Variants in ADGRL3 observed in about 807,000 individuals in gnomAD.
ADGRL3 encodes the protein adhesion G protein-coupled receptor L3, also known as calcium-independent alpha-latrotoxin receptor 3.
In ADGRL3, 62 loss-of-function variants were observed where a neutral mutation model predicts 153.5. The observed-to-expected ratio is 0.40, with a 90% CI of 0.33 to 0.50. The LOEUF is 0.50. ADGRL3 is among the 20% of genes least tolerant of loss of function. The pLI is 0.47. For missense variants in ADGRL3, 1,641 were observed against 1,859.4 expected (o/e 0.88, Z 2.16); for synonymous variants, 710 against 672.5 (o/e 1.06, Z -0.86).
intron 17 of ADGRL3, among the ~76,000 whole-genome samples, chr4:61,957,924 A>G (rs1204941050): frequency 1.3e-5 from 2 of 152,028 alleles, no homozygotes; most frequent in Non-Finnish European, 2.9e-5. Flanking sequence ...CTTGCTTTCT[A>G]TAAAAAAAGT....
chr4:61,733,063 C>T lies in ADGRL3; in HGVS notation c.908C>T (p.Thr303Ile), dbSNP rs771751783. Reference protein sequence around the residue: ...TRNIVKFDLRTRIKSGEAIIA... With the variant: ...TRNIVKFDLRIRIKSGEAIIA... ...AACATAGTAAAGTTTGATTTGCGGA[C>T]TAGGATAAAGAGTGGAGAGGCTATC... is the stretch of plus-strand genomic sequence containing the variant. The change falls in exon 8 of 27, where the codon ACT (threonine) becomes ATT (isoleucine). Residue 303 changes from threonine (T) to isoleucine (I), a missense_variant. Physicochemically the swap from Thr to Ile is moderately conservative, Grantham distance 89. Around this residue, in one of 5 missense-constraint regions of ADGRL3, gnomAD observed 213 missense variants for 362.1 expected, o/e 0.59. Coordinates refer to ENST00000683033, the MANE Select transcript of ADGRL3 (RefSeq NM_001387552.1). 4.3e-6 allele frequency: 7 copies of T among 1,613,476 alleles called. No homozygotes were observed. The highest frequency in any genetic ancestry group is 5.1e-6 in the Non-Finnish European group (6 of 1,179,810).
chr4:61,509,933 T>A (rs1427219444), intron 3 of ADGRL3, among the ~76,000 whole-genome samples: 1 of 152,130 alleles, frequency 6.6e-6, no homozygotes, highest in African/African-American at 2.4e-5. Context: ...ACACCTGTTA[T>A]TTTTTGTCTT....
At chr4:61,271,321 G>A (rs1003618324) in intron 1 of ADGRL3, among the ~76,000 whole-genome samples, 4 of 151,910 alleles carry the variant, frequency 2.6e-5, no homozygotes, top group Non-Finnish European at 5.9e-5. Flanking sequence ...ATGAGGTTAT[G>A]CATTATAGCA....
chr4:61,421,806 A>G (rs1374630380), intron 2 of ADGRL3, among the ~76,000 whole-genome samples: 1 of 152,178 alleles, frequency 6.6e-6, no homozygotes, highest in Non-Finnish European at 1.5e-5. Context: ...CCCATGAGTC[A>G]AAACACCTTG....
intron 2 of ADGRL3, among the ~76,000 whole-genome samples, 168 bp from the exon 3 acceptor site, chr4:61,496,953 A>G (rs2098326598): frequency 6.6e-6 from 1 of 152,126 alleles, no homozygotes; most frequent in African/African-American, 2.4e-5. Context: ...AAAAAAAAAA[A>G]AAATCAGTAT....
chr4:61,669,289 CT>C (rs2094912791), intron 5 of ADGRL3, among the ~76,000 whole-genome samples: 1 of 151,930 alleles, frequency 6.6e-6, no homozygotes, highest in Non-Finnish European at 1.5e-5. Flanking sequence ...GTTGTCTCAT[CT>C]TTTTTGGTCT....
At chr4:61,294,548 T>A (rs182345210) in intron 1 of ADGRL3, among the ~76,000 whole-genome samples, 1 of 152,144 alleles carries the variant, frequency 6.6e-6, no homozygotes, top group African/African-American at 2.4e-5. Flanking sequence ...TTTTAACATA[T>A]CTGAAATTGG....
intron 11 of ADGRL3, among the ~76,000 whole-genome samples, chr4:61,907,623 CAT>C (rs201165690): frequency 6.7e-6 from 1 of 149,948 alleles, no homozygotes; most frequent in African/African-American, 2.5e-5. Context: ...TATACATACA[CAT>C]ATATATATAC....
chr4:61,571,010 G>A (rs2098836373), intron 4 of ADGRL3, among the ~76,000 whole-genome samples: 1 of 152,032 alleles, frequency 6.6e-6, no homozygotes, highest in Non-Finnish European at 1.5e-5. Flanking sequence ...TGCTCAAATG[G>A]CCCTTTATCT....
intron 9 of ADGRL3, among the ~76,000 whole-genome samples, chr4:61,869,527 A>G (rs922518157): frequency 2.0e-5 from 3 of 151,744 alleles, no homozygotes; most frequent in Non-Finnish European, 2.9e-5. Context: ...GAACCCGGGA[A>G]GCGGAGCTTG....
At chr4:62,037,659 C>A (rs1454890866) in intron 23 of ADGRL3, 72 bp from the exon 24 acceptor site, 4 of 1,504,642 alleles carry the variant, frequency 2.7e-6, no homozygotes, top group African/African-American at 1.4e-5. Context: ...ATAAAACTCA[C>A]ATACATTGTC....
rs72634770 is a variant in ADGRL3, at chr4:61,373,662, G to C, written c.-239-9462G>C. Among the ~76,000 whole-genome samples, 122 of 152,094 alleles carry C rather than the reference G, an allele frequency of 8.0e-4. 1 individual carries two copies. Among genetic ancestry groups the C allele is most frequent in the Non-Finnish European group, 1.6e-3 (108 of 67,974 alleles). Reference sequence around the variant, plus strand: ...TCATTTTCATAGTTTGCTGTTCTTTGACTTTTGTTATTCTGAAAAATATTG... The same window carrying C: ...TCATTTTCATAGTTTGCTGTTCTTTCACTTTTGTTATTCTGAAAAATATTG... On this transcript the variant is annotated intron_variant, in intron 1 of 26. Transcript: ENST00000683033.
chr4:62,041,647 A>G (rs1255201200), intron 24 of ADGRL3, among the ~76,000 whole-genome samples: 1 of 151,776 alleles, frequency 6.6e-6, no homozygotes, highest in Non-Finnish European at 1.5e-5. Flanking sequence ...TATTCTAATC[A>G]TTTCTCTCCT....
intron 9 of ADGRL3, among the ~76,000 whole-genome samples, chr4:61,879,918 G>A (rs1223883564): frequency 6.6e-6 from 1 of 151,864 alleles, no homozygotes; most frequent in Non-Finnish European, 1.5e-5. Flanking sequence ...CAGACAGGGG[G>A]TCTTGCTATA....
intron 15 of ADGRL3, among the ~76,000 whole-genome samples, chr4:61,946,543 T>C (rs1190789343): frequency 2.0e-5 from 3 of 152,202 alleles, no homozygotes; most frequent in Non-Finnish European, 4.4e-5. Flanking sequence ...TAGTATATCA[T>C]TTTATGATAA....
chr4:61,929,908 C>A (rs2098810413), intron 13 of ADGRL3, among the ~76,000 whole-genome samples: 1 of 152,174 alleles, frequency 6.6e-6, no homozygotes, highest in African/African-American at 2.4e-5. Context: ...GACACAGTGG[C>A]TCACGCCTGT....
intron 13 of ADGRL3, among the ~76,000 whole-genome samples, chr4:61,925,682 C>T (rs923454229): frequency 1.1e-4 from 17 of 152,008 alleles, no homozygotes; most frequent in African/African-American, 3.6e-4. Context: ...AACCAGATCT[C>T]GCAAGAACTC....
intron 9 of ADGRL3, among the ~76,000 whole-genome samples, chr4:61,855,874 T>C (rs975314426): frequency 1.3e-5 from 2 of 152,046 alleles, no homozygotes; most frequent in African/African-American, 4.8e-5. Flanking sequence ...AGGCAATGGG[T>C]ATATAATTAA....
At chr4:61,382,783 G>T (rs2096686202) in intron 1 of ADGRL3, among the ~76,000 whole-genome samples, 1 of 151,802 alleles carries the variant, frequency 6.6e-6, no homozygotes, top group African/African-American at 2.4e-5. Flanking sequence ...ATCTTAGCTT[G>T]AAGAGCCTGT....
Sources: gnomAD v4.1 joint callset for allele counts (sites outside exome capture counted in the v4.1 genomes callset) on GRCh38, gnomAD v4.1.1 for gene constraint, gnomAD v4.1.1 regional missense constraint, MANE v1.5 for transcripts, NCBI Gene and HGNC (gene_info 2026-07-23, HGNC 2026-07-21) for gene names.